Variants in EFHB observed in about 807,000 individuals in gnomAD.
EFHB encodes EF-hand domain family member B, also known as EF-hand domain-containing family member B.
In EFHB, 91 loss-of-function variants were observed where a neutral mutation model predicts 87.2. The ratio of observed to expected loss-of-function variants is 1.04; its 90% CI spans 0.88 to 1.24. The LOEUF (loss-of-function observed/expected upper bound fraction) is 1.24, where lower values mean the gene tolerates loss of function less well. Ranked by LOEUF, EFHB falls within the 50% of genes most tolerant of loss-of-function variation. EFHB has a pLI of 0.00. For missense variants in EFHB, 1,084 were observed against 998.8 expected (o/e 1.09, Z -1.15); for synonymous variants, 325 against 333.6 (o/e 0.97, Z 0.28).
intron 9 of EFHB, among the ~76,000 whole-genome samples, chr3:19,892,837 AGAGT>A (rs1243784207): frequency 7.0e-6 from 1 of 142,642 alleles, no homozygotes; most frequent in Non-Finnish European, 1.6e-5. Context: ...CCTGGGCAAC[AGAGT>A]GAGAATCTCA....
chr3:19,940,947 A>G, intron 1 of EFHB: 1 of 323,650 alleles, frequency 3.1e-6, no homozygotes, highest in East Asian at 8.0e-5. Flanking sequence ...TAATGAGAAC[A>G]GTCATGACTA....
At chr3:19,931,271 G>T (rs1257750129) in intron 1 of EFHB, among the ~76,000 whole-genome samples, 1 of 152,196 alleles carries the variant, frequency 6.6e-6, no homozygotes, top group African/African-American at 2.4e-5. Context: ...AACACTGCTG[G>T]TCACTCTCTC....
chr3:19,926,757 C>A (rs1695644759), intron 1 of EFHB, among the ~76,000 whole-genome samples: 1 of 151,200 alleles, frequency 6.6e-6, no homozygotes, highest in African/African-American at 2.4e-5. Context: ...GCCTCCCGGG[C>A]TCAAGTGATT....
intron 5 of EFHB, among the ~76,000 whole-genome samples, chr3:19,913,788 T>G (rs1489478981): frequency 6.6e-6 from 1 of 152,160 alleles, no homozygotes; most frequent in Non-Finnish European, 1.5e-5. Flanking sequence ...CAAATTATAC[T>G]ATAGAGCTAT....
At chr3:19,885,959 T>C (rs529567416) in intron 10 of EFHB, among the ~76,000 whole-genome samples, 46 of 152,320 alleles carry the variant, frequency 3.0e-4, no homozygotes, top group Admixed American at 7.2e-4. Flanking sequence ...AGAACATTCC[T>C]GGGCCCCCTC....
intron 10 of EFHB, among the ~76,000 whole-genome samples, chr3:19,884,957 C>T (rs1164241802): frequency 6.6e-6 from 1 of 150,644 alleles, no homozygotes; most frequent in African/African-American, 2.4e-5. Flanking sequence ...CACGGTGGCT[C>T]ACGCCTGTAA....
intron 4 of EFHB, 112 bp downstream of exon 4, chr3:19,918,120 A>G: frequency 8.8e-7 from 1 of 1,132,688 alleles, no homozygotes; most frequent in Non-Finnish European, 1.2e-6. Flanking sequence ...TTCCTTCTTG[A>G]GTCATCGTTT....
chr3:19,944,108 C>G (rs1259913985), intron 1 of EFHB, among the ~76,000 whole-genome samples: 3 of 152,168 alleles, frequency 2.0e-5, no homozygotes, highest in African/African-American at 7.2e-5. Flanking sequence ...TGCTACTACG[C>G]CAATGTTAGA....
At chr3:19,944,076 C>G (rs1428399861) in intron 1 of EFHB, among the ~76,000 whole-genome samples, 1 of 152,204 alleles carries the variant, frequency 6.6e-6, no homozygotes, top group Non-Finnish European at 1.5e-5. Context: ...CTTAAGTTTT[C>G]ACAGCCTTTT....
At chr3:19,929,637 A>G (rs1380507846) in intron 1 of EFHB, among the ~76,000 whole-genome samples, 2 of 137,400 alleles carry the variant, frequency 1.5e-5, no homozygotes, top group East Asian at 4.4e-4. Context: ...TGAACCCAGG[A>G]GGCGGAGATT....
chr3:19,884,354 A>G (rs985789665), intron 11 of EFHB, 49 bp downstream of exon 11: 12 of 1,532,292 alleles, frequency 7.8e-6, no homozygotes, highest in Non-Finnish European at 1.1e-5. Context: ...AAGGACAGAC[A>G]GAGGACAGTT....
At chr3:19,880,229 C>T (rs1252336075) in intron 12 of EFHB, among the ~76,000 whole-genome samples, 1 of 147,500 alleles carries the variant, frequency 6.8e-6, no homozygotes, top group Non-Finnish European at 1.5e-5. Flanking sequence ...ACATTAGTTT[C>T]ATTTATTTAT....
rs1248181137 is a variant in EFHB at position 19,879,647 on chromosome 3, C to T, written c.2486G>A (p.Cys829Tyr). 6.3e-7 allele frequency: 1 copy of T among 1,588,318 alleles called. No homozygotes were observed. The highest frequency in any genetic ancestry group is 8.5e-7 in the Non-Finnish European group (1 of 1,170,670). ...CCAAAAATATCACATGAGTGTTTTACACTTGATCCGGTCTGCATGCCGTAG... is the reference window on the plus strand; with the variant it reads ...CCAAAAATATCACATGAGTGTTTTATACTTGATCCGGTCTGCATGCCGTAG... The part of the protein sequence containing the change: ...DELRHADRIK[C>Y]KTLM The change falls in exon 13 of 13, where the codon TGT (cysteine) becomes TAT (tyrosine). Residue 829 changes from cysteine (C) to tyrosine (Y), a missense_variant. Physicochemically the swap from Cys to Tyr is radical, Grantham distance 194 (BLOSUM62 -2). Transcript: ENST00000295824.
upstream of EFHB, among the ~76,000 whole-genome samples, chr3:19,937,060 T>G (rs1696041644): frequency 6.6e-6 from 1 of 151,526 alleles, no homozygotes; most frequent in Non-Finnish European, 1.5e-5. Flanking sequence ...TCTCAGCTAC[T>G]CGGGAGGCTG....
chr3:19,918,138 C>T, intron 4 of EFHB, 94 bp downstream of exon 4: 1 of 1,262,830 alleles, frequency 7.9e-7, no homozygotes, highest in East Asian at 2.4e-5. Context: ...TTTACACCAT[C>T]ACCAAACATC....
chr3:19,918,122 T>A lies in EFHB; in HGVS notation c.1177+110A>T, dbSNP rs1027297252. ...AACAATCCCATCTTTCCTTCTTGAG[T>A]CATCGTTTACACCATCACCAAACAT... On this transcript the variant is annotated intron_variant, in intron 4 of 12. Coordinates refer to ENST00000295824, the MANE Select transcript of EFHB (RefSeq NM_144715.4). The A allele has an allele frequency of 1.0e-4, 121 of 1,153,230 alleles. 1 individual carries two copies. Among genetic ancestry groups the A allele is most frequent in the Non-Finnish European group, 2.8e-5 (23 of 831,758 alleles). The allele number at this position is 1,153,230 out of a possible 1,614,324, so 71.4% of individuals were successfully genotyped here.
chr3:19,908,633 A>G (rs1694947453), intron 5 of EFHB, among the ~76,000 whole-genome samples: 1 of 151,612 alleles, frequency 6.6e-6, no homozygotes. Flanking sequence ...AGAAAGAAAG[A>G]AAGAAAGAAA....
intron 5 of EFHB, among the ~76,000 whole-genome samples, chr3:19,914,503 G>A (rs773650625): frequency 2.0e-5 from 3 of 151,866 alleles, no homozygotes; most frequent in African/African-American, 4.8e-5. Context: ...CTAGTAATAC[G>A]CTACTAGACA....
chr3:19,933,565 C>A lies in EFHB; in HGVS notation c.454G>T (p.Glu152Ter). ...SRRAPLASGP[E>*]GVEELVGKPA... ...TTTCCCACTAATTCCTCTACCCCTT[C>A]AGGGCCACTAGCCAAAGGAGCTCTC... is the stretch of plus-strand genomic sequence containing the variant. The change falls in exon 1 of 13, where the codon GAA (glutamate) becomes TAA (stop). Residue 152 changes from glutamate to a stop codon, truncating the protein, a stop_gained. Transcript: ENST00000295824. LOFTEE classifies it high-confidence loss of function. 1 of 1,614,044 alleles carries A rather than the reference C, an allele frequency of 6.2e-7. No homozygotes were observed. The highest frequency in any genetic ancestry group is 8.5e-7 in the Non-Finnish European group (1 of 1,179,896).
Sources: allele counts gnomAD v4.1 joint callset (sites outside exome capture counted in the v4.1 genomes callset), GRCh38; gene constraint gnomAD v4.1.1; transcripts MANE v1.5; gene names NCBI Gene and HGNC (gene_info 2026-07-23, HGNC 2026-07-21).